The following NAP1L1 variants were observed in gnomAD, a reference collection of about 807,000 sequenced individuals.
NAP1L1 encodes nucleosome assembly protein 1-like 1.
A neutral mutation model predicts 58.9 loss-of-function variants in NAP1L1; 9 were observed. The observed-to-expected ratio is 0.15, with a 90% CI of 0.09 to 0.27. The LOEUF (loss-of-function observed/expected upper bound fraction) is 0.27. NAP1L1 is among the 10% of genes least tolerant of loss of function. The pLI, the probability that NAP1L1 is intolerant of heterozygous loss-of-function variation, is 1.00. For missense variants in NAP1L1, 302 were observed against 458.8 expected (o/e 0.66, Z 3.12); for synonymous variants, 130 against 138.3 (o/e 0.94, Z 0.42).
intron 4 of NAP1L1, among the ~76,000 whole-genome samples, chr12:76,065,104 A>C (rs1949601892): frequency 6.6e-6 from 1 of 152,162 alleles, no homozygotes; most frequent in South Asian, 2.1e-4. Context: ...ACAATGTAAC[A>C]ATAACACATC....
intron 2 of NAP1L1, among the ~76,000 whole-genome samples, chr12:76,071,477 T>C (rs1949951581): frequency 6.6e-6 from 1 of 152,218 alleles, no homozygotes; most frequent in Non-Finnish European, 1.5e-5. Flanking sequence ...TTTTTTTGTT[T>C]TGTTTTGTTA....
At chr12:76,052,357 T>G (rs1477665952) in intron 11 of NAP1L1, among the ~76,000 whole-genome samples, 1 of 152,212 alleles carries the variant, frequency 6.6e-6, no homozygotes, top group Non-Finnish European at 1.5e-5. Flanking sequence ...AAAGTAGTTT[T>G]TCTCACCTGA....
Position 76,079,144 on chromosome 12 carries a change from A to G in NAP1L1, c.-20-4905T>C, listed in dbSNP as rs116673012. Among the ~76,000 whole-genome samples, 1,482 of 152,348 alleles carry G rather than the reference A, an allele frequency of 9.7e-3. 21 individuals carry two copies. Among genetic ancestry groups the G allele is most frequent in the African/African-American group, 0.033 (1,373 of 41,574 alleles). On this transcript the variant is annotated intron_variant, in intron 1 of 14. Transcript: ENST00000618691. ...AAGACTGACAGCTGTCTTCTCTTCAATAAGACACTAAAAGACAACAGAATC... is the reference window on the plus strand; with the variant it reads ...AAGACTGACAGCTGTCTTCTCTTCAGTAAGACACTAAAAGACAACAGAATC...
chr12:76,066,357 C>T (rs1306941152), intron 4 of NAP1L1, among the ~76,000 whole-genome samples: 5 of 151,830 alleles, frequency 3.3e-5, no homozygotes, highest in African/African-American at 1.2e-4. Context: ...TAAAATAAAA[C>T]TTAACTGTTT....
Position 76,042,473 on chromosome 12 carries a change from T to C in NAP1L1, c.*5956A>G, listed in dbSNP as rs527764757. On this transcript the variant is annotated 3_prime_UTR_variant, in exon 15 of 15. Transcript: ENST00000618691. ...CCATTAAAATTTGGTAGCAGAGACA[T>C]TTGTTTAGGGGCTGAAAAGTTTTAG... is the stretch of plus-strand genomic sequence containing the variant. 2 of 152,298 alleles carry C rather than the reference T, an allele frequency of 1.3e-5. No individual in the cohort carries two copies. The highest frequency in any genetic ancestry group is 6.5e-5 in the Admixed American group (1 of 15,296). The allele number at this position is 152,298 out of a possible 1,614,324, so 9.4% of individuals were successfully genotyped here.
At chr12:76,053,403 A>T in intron 9 of NAP1L1, 53 bp from the exon 10 acceptor site, 2 of 1,565,594 alleles carry the variant, frequency 1.3e-6, no homozygotes, top group Non-Finnish European at 1.7e-6. Context: ...TTCAACTGCT[A>T]AACTTTTAGA....
rs1948525363 is a variant in NAP1L1, at chr12:76,038,895, TACAC to T, written c.*9530_*9533del. 1 of 152,174 alleles carries T rather than the reference TACAC, an allele frequency of 6.6e-6. No individual in the cohort carries two copies. Among genetic ancestry groups the T allele is most frequent in the South Asian group, 2.1e-4 (1 of 4,824 alleles). 9.4% of individuals were successfully genotyped at this position (152,174 alleles called of 1,614,324 possible). A position where few individuals can be genotyped will look rare whatever the true frequency, so the allele number is the denominator to read the frequency against. ...TTTTTGTTTCTAATGAGATTTCATTTACACTTTTAAGTCATTGTCTCAACCTAAT... is the reference window on the plus strand; with the variant it reads ...TTTTTGTTTCTAATGAGATTTCATTTTTTTAAGTCATTGTCTCAACCTAAT... On this transcript the variant is annotated 3_prime_UTR_variant, in exon 15 of 15. Transcript: ENST00000618691.
At chr12:76,058,512 G>A (rs1176862454) in intron 6 of NAP1L1, among the ~76,000 whole-genome samples, 9 of 151,148 alleles carry the variant, frequency 6.0e-5, no homozygotes, top group African/African-American at 2.2e-4. Flanking sequence ...TGAGCCTCCC[G>A]AGTAGGTGGG....
rs1338827537 is a variant in NAP1L1 at position 76,040,070 on chromosome 12, G to A, written c.*8359C>T. The A allele has an allele frequency of 6.6e-6, 1 of 152,036 alleles. No homozygotes were observed. The highest frequency in any genetic ancestry group is 6.6e-5 in the Admixed American group (1 of 15,264). 9.4% of individuals were successfully genotyped at this position (152,036 alleles called of 1,614,324 possible). On this transcript the variant is annotated 3_prime_UTR_variant, in exon 15 of 15. Transcript: ENST00000618691. ...TCACTACGTTATAGCTTGAATTATA[G>A]CTGGAAATCAATTGTCCAGCTATAA...
At chr12:76,051,118 T>C (rs1948806638) in intron 11 of NAP1L1, among the ~76,000 whole-genome samples, 1 of 152,220 alleles carries the variant, frequency 6.6e-6, no homozygotes, top group Middle Eastern at 3.4e-3. Flanking sequence ...TAACAAATGA[T>C]TTGTCATTTT....
In NAP1L1 at chr12:76,056,104, C is replaced by G. The variant is rs762407693; in HGVS notation, c.487G>C (p.Asp163His). 5.0e-6 allele frequency: 8 copies of G among 1,612,712 alleles called. No individual in the cohort carries two copies. In the South Asian group the frequency reaches 8.8e-5, roughly 18 times the overall value. ...CAAAATTCAGGAATTCCTTTGGGGT[C>G]TTCTTTTTCTTCATCTTTTTTCTCA... is the stretch of plus-strand genomic sequence containing the variant. ...EDEKKDEEKE[D>H]PKGIPEFWLT... Residue 163 changes from aspartate to histidine, a missense_variant, in exon 7 of 15, where the codon GAC becomes CAC. By Grantham distance (81) the Asp-to-His change is moderately conservative. Coordinates refer to ENST00000618691, the MANE Select transcript of NAP1L1 (RefSeq NM_004537.7).
At chr12:76,057,571 G>A (rs780312726) in intron 6 of NAP1L1, 13 of 928,672 alleles carry the variant, frequency 1.4e-5, no homozygotes, top group Non-Finnish European at 2.1e-5. Flanking sequence ...CAATAGGGCT[G>A]ACTGCAAAGG....
intron 6 of NAP1L1, chr12:76,057,139 A>C (rs1406843116): frequency 2.7e-5 from 5 of 186,020 alleles, no homozygotes; most frequent in Non-Finnish European, 5.6e-5. Flanking sequence ...CTACAAAAAA[A>C]AGTAGATTAA....
chr12:76,065,303 G>T (rs115279770), intron 4 of NAP1L1, among the ~76,000 whole-genome samples: 1,683 of 151,752 alleles, frequency 0.011, 26 homozygotes, highest in African/African-American at 0.038. Context: ...ATTTAATGGA[G>T]ATTTTATATT....
rs572053816 is a variant in NAP1L1, at chr12:76,062,065, T to C, written c.207-1786A>G. On this transcript the variant is annotated intron_variant, in intron 4 of 14. Coordinates refer to ENST00000618691, the MANE Select transcript of NAP1L1 (RefSeq NM_004537.7). ...GTAGCAGTGCGGACAAACTGGAAGA[T>C]AGCAGTTCCGCAAGAAAGCTTTTTA... Among the ~76,000 whole-genome samples, 3 of 152,324 alleles carry C rather than the reference T, an allele frequency of 2.0e-5. No homozygotes were observed. In the South Asian group the frequency reaches 6.2e-4, roughly 32 times the overall value.
intron 11 of NAP1L1, among the ~76,000 whole-genome samples, chr12:76,051,561 T>C (rs972975642): frequency 2.0e-5 from 3 of 152,152 alleles, no homozygotes; most frequent in Non-Finnish European, 2.9e-5. Context: ...TTTTCTTTTT[T>C]AGAGACAGGG....
At position 76,068,423 on chromosome 12, in the gene NAP1L1, A is replaced by G. The variant is rs558303470; in HGVS notation, c.103+486T>C. ...GGCGCAGATCTACAAGACATACCCT[A>G]AGTAGTACAATCCCCCACCACCACT... On this transcript the variant is annotated intron_variant, in intron 3 of 14. Transcript: ENST00000618691. Among the ~76,000 whole-genome samples, 125 of 152,158 alleles carry G rather than the reference A, an allele frequency of 8.2e-4. 1 individual carries two copies. Among genetic ancestry groups the G allele is most frequent in the African/African-American group, 2.7e-3 (112 of 41,536 alleles).
chr12:76,082,619 A>G (rs779022352), intron 1 of NAP1L1, among the ~76,000 whole-genome samples: 3 of 152,214 alleles, frequency 2.0e-5, no homozygotes, highest in Non-Finnish European at 2.9e-5. Context: ...AGTTCCATAC[A>G]TTCTCCAAAG....
intron 2 of NAP1L1, 144 bp from the exon 3 acceptor site, chr12:76,069,138 C>T: frequency 1.6e-6 from 1 of 634,124 alleles, no homozygotes; most frequent in South Asian, 1.9e-5. Flanking sequence ...CGTTTTCTAA[C>T]TTCATATGTA....
Sources: allele counts gnomAD v4.1 joint callset (sites outside exome capture counted in the v4.1 genomes callset), GRCh38; gene constraint gnomAD v4.1.1; transcripts MANE v1.5; gene names NCBI Gene and HGNC (gene_info 2026-07-23, HGNC 2026-07-21).